ACP3: variants seen among roughly 807,000 people sequenced by gnomAD.
ACP3 encodes the protein prostatic acid phosphatase.
ACP3 carries 38 observed loss-of-function variants against 45.6 expected under a neutral mutation model. That is an observed-to-expected ratio of 0.83 (90% confidence interval 0.64 to 1.09). ACP3 has a LOEUF of 1.09. ACP3 is among the 50% of genes least tolerant of loss of function. The pLI is 0.00. For missense variants in ACP3, 466 were observed against 463.2 expected (o/e 1.01, Z -0.05); for synonymous variants, 162 against 164.7 (o/e 0.98, Z 0.13).
intron 4 of ACP3, among the ~76,000 whole-genome samples, chr3:132,333,234 T>C (rs1335886533): frequency 2.0e-5 from 3 of 152,226 alleles, no homozygotes; most frequent in Non-Finnish European, 4.4e-5. Context: ...AGAGAAACTC[T>C]CAAACGTGTT....
intron 7 of ACP3, among the ~76,000 whole-genome samples, chr3:132,348,431 T>G (rs1317305963): frequency 1.3e-5 from 2 of 152,112 alleles, no homozygotes; most frequent in Non-Finnish European, 2.9e-5. Flanking sequence ...AAACAGAATA[T>G]TGATATGCCA....
chr3:132,358,909 G>A (rs1196597397), downstream of ACP3: 1 of 967,216 alleles, frequency 1.0e-6, no homozygotes, highest in Non-Finnish European at 1.2e-6. Context: ...AAAGTAAAAT[G>A]ATTTGACTGG....
At chr3:132,337,341 T>A (rs145147791) in intron 4 of ACP3, 115 bp from the exon 5 acceptor site, 24 of 618,320 alleles carry the variant, frequency 3.9e-5, no homozygotes, top group Middle Eastern at 3.4e-4. Context: ...CAAAACACAT[T>A]TGAATCTTTT....
chr3:132,362,799 T>C (rs2107823757), downstream of ACP3, among the ~76,000 whole-genome samples: 1 of 152,250 alleles, frequency 6.6e-6, no homozygotes, highest in South Asian at 2.1e-4. Context: ...TAGAGCACTT[T>C]GGGAACTGGA....
chr3:132,329,777 T>C (rs1481870349), intron 2 of ACP3, among the ~76,000 whole-genome samples: 2 of 152,182 alleles, frequency 1.3e-5, no homozygotes, highest in Non-Finnish European at 2.9e-5. Flanking sequence ...ATGTAGATTC[T>C]AATTCAGCAG....
intron 7 of ACP3, among the ~76,000 whole-genome samples, chr3:132,349,129 A>G (rs1937660026): frequency 6.6e-6 from 1 of 151,464 alleles, no homozygotes; most frequent in African/African-American, 2.4e-5. Flanking sequence ...TCCTTAAAAC[A>G]GGATCTGTTT....
chr3:132,339,877 C>A lies in ACP3; in HGVS notation c.555+2323C>A, dbSNP rs573984503. ...GGGCTGAAAGTCCCAACGCTCTAATCCCGGCCTTGGCTTTCTGGTGACCAA... is the reference window on the plus strand; with the variant it reads ...GGGCTGAAAGTCCCAACGCTCTAATACCGGCCTTGGCTTTCTGGTGACCAA... On this transcript the variant is annotated intron_variant, in intron 5 of 9. Coordinates refer to ENST00000336375, the MANE Select transcript of ACP3 (RefSeq NM_001099.5). Among the ~76,000 whole-genome samples the A allele has an allele frequency of 5.4e-4, 82 of 152,308 alleles. 1 individual carries two copies. The South Asian group carries it at 8.9e-3, about 17-fold the overall frequency.
At chr3:132,364,325 G>A (rs1278617973) in intron 10 of ACP3, among the ~76,000 whole-genome samples, 4 of 152,066 alleles carry the variant, frequency 2.6e-5, no homozygotes, top group African/African-American at 4.8e-5. Context: ...TCCAGCCTGA[G>A]CAATGCAGTG....
At position 132,356,821 on chromosome 3, in the gene ACP3, G is replaced by T; in HGVS notation, c.1104G>T (p.Trp368Cys). Residue 368 changes from tryptophan to cysteine, a missense_variant, in exon 10 of 10, where the codon TGG (tryptophan) becomes TGT (cysteine). Coordinates refer to ENST00000336375, the MANE Select transcript of ACP3 (RefSeq NM_001099.5). ...TTGGCCCTGTGATCCCTCAAGACTG[G>T]TCCACGGAGTGTATGACCACAAACA... is the stretch of plus-strand genomic sequence containing the variant. ...ELVGPVIPQD[W>C]STECMTTNSH... 6.2e-7 allele frequency: 1 copy of T among 1,614,148 alleles called. No individual in the cohort carries two copies. The highest frequency in any genetic ancestry group is 8.5e-7 in the Non-Finnish European group (1 of 1,180,032).
downstream of ACP3, among the ~76,000 whole-genome samples, chr3:132,360,154 C>T (rs1050969443): frequency 6.6e-6 from 1 of 152,096 alleles, no homozygotes; most frequent in African/African-American, 2.4e-5. Flanking sequence ...TGGGTGGCCA[C>T]TCACCTTAGA....
rs188374945 is a variant in ACP3 at position 132,343,592 on chromosome 3, A to T, written c.648+948A>T. On this transcript the variant is annotated intron_variant, in intron 6 of 9. Transcript: ENST00000336375. Reference sequence around the variant, plus strand: ...TTCCAAAATGTGGTCATGTCATGTGATATTTTTTCCAAATCTCTCTCACTT... The same window carrying T: ...TTCCAAAATGTGGTCATGTCATGTGTTATTTTTTCCAAATCTCTCTCACTT... 2.4e-3 allele frequency among the ~76,000 whole-genome samples: 360 copies of T among 152,074 alleles called. 1 individual carries two copies. The highest frequency in any genetic ancestry group is 6.8e-3 in the Middle Eastern group (2 of 294).
chr3:132,365,830 T>G (rs748419329), intron 10 of ACP3, among the ~76,000 whole-genome samples: 30 of 151,590 alleles, frequency 2.0e-4, no homozygotes, highest in Non-Finnish European at 3.4e-4. Flanking sequence ...CTACTAAAAA[T>G]ACAAAAAAAA....
chr3:132,351,689 G>A (rs1937742227), intron 8 of ACP3, among the ~76,000 whole-genome samples: 1 of 151,924 alleles, frequency 6.6e-6, no homozygotes, highest in Non-Finnish European at 1.5e-5. Flanking sequence ...AACTTGTGGT[G>A]TGACTTCCAG....
chr3:132,359,950 GT>G (rs1938009176), downstream of ACP3, among the ~76,000 whole-genome samples: 1 of 152,182 alleles, frequency 6.6e-6, no homozygotes, highest in Non-Finnish European at 1.5e-5. Context: ...CTCATAGAAA[GT>G]TTGTTAAGAG....
chr3:132,318,684 G>A (rs1937151867), intron 1 of ACP3, among the ~76,000 whole-genome samples: 1 of 149,426 alleles, frequency 6.7e-6, no homozygotes, highest in Admixed American at 6.6e-5. Flanking sequence ...TTCACCAGCT[G>A]TCAGACTTCT....
intron 1 of ACP3, among the ~76,000 whole-genome samples, chr3:132,324,895 C>A (rs551813236): frequency 6.6e-6 from 1 of 152,180 alleles, no homozygotes; most frequent in Non-Finnish European, 1.5e-5. Flanking sequence ...CCTGCCTCAG[C>A]CTCCCAAAGT....
At chr3:132,347,844 T>TACACACACACAC (rs112045628) in intron 7 of ACP3, among the ~76,000 whole-genome samples, 19,015 of 144,826 alleles carry the variant, frequency 0.13, 1,560 homozygotes, top group Middle Eastern at 0.26. Context: ...CACACACACA[T>TACACACACACAC]ACACACACAC....
downstream of ACP3, among the ~76,000 whole-genome samples, chr3:132,363,412 C>A (rs17183373): frequency 0.12 from 17,904 of 152,190 alleles, 1,349 homozygotes; most frequent in Non-Finnish European, 0.18. Flanking sequence ...ATCACCCAAA[C>A]AAGAAGCCAT....
At chr3:132,317,598 CT>C in intron 1 of ACP3, 22 bp downstream of exon 1, 1 of 1,604,774 alleles carries the variant, frequency 6.2e-7, no homozygotes, top group Non-Finnish European at 8.5e-7. Context: ...TTTCTCATTG[CT>C]TTTTCCTTAA....
Sources: gnomAD v4.1 joint callset for allele counts (sites outside exome capture counted in the v4.1 genomes callset) on GRCh38, gnomAD v4.1.1 for gene constraint, MANE v1.5 for transcripts, NCBI Gene and HGNC (gene_info 2026-07-23, HGNC 2026-07-21) for gene names.